SCN8A: variants seen among roughly 807,000 people sequenced by gnomAD.
SCN8A encodes sodium voltage-gated channel alpha subunit 8.
SCN8A carries 30 observed loss-of-function variants against 184.1 expected under a neutral mutation model. The ratio of observed to expected loss-of-function variants is 0.16; its 90% CI spans 0.12 to 0.22. The LOEUF (loss-of-function observed/expected upper bound fraction) is 0.22. SCN8A is among the 10% of genes least tolerant of loss of function. SCN8A has a pLI of 1.00. For missense variants in SCN8A, 1,057 were observed against 2,498.9 expected, an observed-to-expected ratio of 0.42 and a Z score of 12.30; for synonymous variants, 852 against 907.0, an observed-to-expected ratio of 0.94 and a Z score of 1.09.
At chr12:51,711,320 C>T (rs1301963967) in intron 11 of SCN8A, among the ~76,000 whole-genome samples, 1 of 152,146 alleles carries the variant, frequency 6.6e-6, no homozygotes, top group East Asian at 1.9e-4. Context: ...TTCACTTAGT[C>T]TAATCTCTCC....
At chr12:51,775,120 T>G (rs1257453333) in intron 20 of SCN8A, among the ~76,000 whole-genome samples, 1 of 152,210 alleles carries the variant, frequency 6.6e-6, no homozygotes, top group Admixed American at 6.5e-5. Flanking sequence ...TAACTAAAGC[T>G]TCTTTCTTTC....
intron 6 of SCN8A, among the ~76,000 whole-genome samples, chr12:51,692,811 A>T (rs974380857): frequency 2.0e-5 from 3 of 152,180 alleles, no homozygotes; most frequent in African/African-American, 7.2e-5. Flanking sequence ...ATCTCGAAAG[A>T]GTTTCTCAGG....
Position 51,794,362 on chromosome 12 carries a change from C to T in SCN8A, c.4525-9C>T. The T allele has an allele frequency of 6.2e-7, 1 of 1,604,096 alleles. No individual in the cohort carries two copies. The highest frequency in any genetic ancestry group is 1.1e-5 in the South Asian group (1 of 89,998). On this transcript the variant is annotated splice_polypyrimidine_tract_variant and intron_variant, in intron 25 of 26. Coordinates refer to ENST00000627620, the MANE Select transcript of SCN8A (RefSeq NM_001330260.2). Reference sequence around the variant, plus strand: ...GAATCTTTTATCTTTTCCTTCCCTTCCTCCCCAGAACAAAATCCAAGGAAT... The same window carrying T: ...GAATCTTTTATCTTTTCCTTCCCTTTCTCCCCAGAACAAAATCCAAGGAAT...
chr12:51,682,200 A>G (rs1179721629), intron 2 of SCN8A, among the ~76,000 whole-genome samples: 3 of 152,068 alleles, frequency 2.0e-5, no homozygotes, highest in Admixed American at 1.3e-4. Flanking sequence ...ATGGTGTGCA[A>G]CCCTTTTTAT....
intron 1 of SCN8A, among the ~76,000 whole-genome samples, chr12:51,627,330 A>C (rs1316869968): frequency 1.3e-5 from 2 of 152,244 alleles, no homozygotes; most frequent in African/African-American, 2.4e-5. Context: ...ATACAATTGT[A>C]AAGTATGTTA....
chr12:51,609,803 CG>C (rs1592326119), intron 1 of SCN8A, among the ~76,000 whole-genome samples: 1 of 89,884 alleles, frequency 1.1e-5, no homozygotes, highest in Admixed American at 1.8e-4. Context: ...CATCATACAC[CG>C]GGGCCTGTTG....
chr12:51,680,339 A>G (rs948276260), intron 2 of SCN8A, among the ~76,000 whole-genome samples: 1 of 152,208 alleles, frequency 6.6e-6, no homozygotes, highest in Non-Finnish European at 1.5e-5. Flanking sequence ...TTCTGCTTAC[A>G]AAATCATAGT....
chr12:51,615,271 A>AC (rs1485928726), intron 1 of SCN8A, among the ~76,000 whole-genome samples: 2 of 152,184 alleles, frequency 1.3e-5, no homozygotes, highest in African/African-American at 4.8e-5. Flanking sequence ...AAATGTTAGT[A>AC]CCACCAGGTG....
chr12:51,687,458 A>G (rs1009736538), intron 5 of SCN8A, among the ~76,000 whole-genome samples: 4 of 152,104 alleles, frequency 2.6e-5, no homozygotes, highest in Admixed American at 2.6e-4. Flanking sequence ...CAGCTGGGAG[A>G]GAAAGGAGGA....
chr12:51,677,688 G>A (rs1180873460), intron 2 of SCN8A, among the ~76,000 whole-genome samples: 1 of 152,160 alleles, frequency 6.6e-6, no homozygotes, highest in African/African-American at 2.4e-5. Flanking sequence ...AATTAGAAAT[G>A]AAAAGCCTGT....
At chr12:51,616,322 C>T (rs916820373) in intron 1 of SCN8A, among the ~76,000 whole-genome samples, 4 of 152,088 alleles carry the variant, frequency 2.6e-5, no homozygotes, top group Non-Finnish European at 5.9e-5. Context: ...TTTCATTTTC[C>T]CCCAGCACTT....
At chr12:51,730,949 G>T (rs1592412914) in intron 12 of SCN8A, among the ~76,000 whole-genome samples, 1 of 152,168 alleles carries the variant, frequency 6.6e-6, no homozygotes, top group Non-Finnish European at 1.5e-5. Context: ...CCACAGATAA[G>T]TGAGAACATG....
chr12:51,714,340 C>T (rs1941931093), intron 11 of SCN8A, among the ~76,000 whole-genome samples: 1 of 142,504 alleles, frequency 7.0e-6, no homozygotes, highest in African/African-American at 2.5e-5. Flanking sequence ...TGATTTCTAG[C>T]ATCATGCATT....
chr12:51,709,990 A>C (rs772982531), intron 11 of SCN8A, among the ~76,000 whole-genome samples: 8 of 152,218 alleles, frequency 5.3e-5, no homozygotes, highest in Non-Finnish European at 1.2e-4. Context: ...AGCCTGGGCA[A>C]CATAGTGAGA....
rs543597739 is a variant in SCN8A at position 51,675,607 on chromosome 12, C to T, written c.277-8567C>T. On this transcript the variant is annotated intron_variant, in intron 2 of 26. Coordinates refer to ENST00000627620, the MANE Select transcript of SCN8A (RefSeq NM_001330260.2). The stretch of plus-strand genomic sequence containing the variant: ...GAGATCTAGTCCCTGGCAACTCCCC[C>T]GCCCCGCTCCTGCTCACTAGTGCTG... Among the ~76,000 whole-genome samples, 9 of 152,304 alleles carry T rather than the reference C, an allele frequency of 5.9e-5. No individual in the cohort carries two copies. The South Asian group carries it at 1.2e-3, about 21-fold the overall frequency.
chr12:51,640,619 A>G (rs1307039608), intron 1 of SCN8A, among the ~76,000 whole-genome samples: 1 of 152,142 alleles, frequency 6.6e-6, no homozygotes, highest in Non-Finnish European at 1.5e-5. Flanking sequence ...CACAGCAGAG[A>G]ACGTCTATTA....
intron 1 of SCN8A, among the ~76,000 whole-genome samples, chr12:51,650,461 A>G (rs932117266): frequency 3.3e-5 from 5 of 151,094 alleles, no homozygotes; most frequent in Admixed American, 2.0e-4. Flanking sequence ...ACAGTTCCAC[A>G]TGGCTGAGGA....
intron 1 of SCN8A, among the ~76,000 whole-genome samples, chr12:51,614,543 C>T (rs774014429): frequency 6.6e-6 from 1 of 152,068 alleles, no homozygotes; most frequent in Non-Finnish European, 1.5e-5. Flanking sequence ...CACCCAGCTT[C>T]CCCTAATGTT....
chr12:51,655,950 A>G (rs968009227), intron 1 of SCN8A, among the ~76,000 whole-genome samples: 8 of 152,232 alleles, frequency 5.3e-5, no homozygotes, highest in African/African-American at 1.4e-4. Flanking sequence ...AATGTGGGTC[A>G]TAGCTTTGCA....
Sources: allele counts gnomAD v4.1 joint callset (sites outside exome capture counted in the v4.1 genomes callset), GRCh38; gene constraint gnomAD v4.1.1; transcripts MANE v1.5; gene names NCBI Gene and HGNC (gene_info 2026-07-23, HGNC 2026-07-21).